PRKCQ: variants seen among roughly 807,000 people sequenced by gnomAD.
PRKCQ encodes the protein protein kinase C theta type.
PRKCQ carries 41 observed loss-of-function variants against 91.2 expected under a neutral mutation model. That is an observed-to-expected ratio of 0.45 (90% CI 0.35 to 0.58). PRKCQ has a LOEUF of 0.58. Ranked by LOEUF, PRKCQ falls within the 20% of genes least tolerant of loss-of-function variation. The pLI is 0.00. For missense variants in PRKCQ, 673 were observed against 896.5 expected, an observed-to-expected ratio of 0.75 and a Z score of 3.18; for synonymous variants, 307 against 316.9, an observed-to-expected ratio of 0.97 and a Z score of 0.33.
intron 4 of PRKCQ, among the ~76,000 whole-genome samples, chr10:6,505,601 CCTCT>C (rs1475271384): frequency 2.3e-5 from 3 of 131,306 alleles, no homozygotes; most frequent in Admixed American, 8.8e-5. Context: ...TCTCTCTCAC[CCTCT>C]CTCTCTCTCC....
chr10:6,416,714 C>T, the PRKCQ span, among the ~76,000 whole-genome samples: 1 of 151,978 alleles, frequency 6.6e-6, no homozygotes, highest in Admixed American at 6.5e-5. Flanking sequence ...CTTTTTTTCC[C>T]TTTGGGTACA....
chr10:6,405,592 C>A, the PRKCQ span, among the ~76,000 whole-genome samples: 1 of 152,122 alleles, frequency 6.6e-6, no homozygotes, highest in African/African-American at 2.4e-5. Flanking sequence ...TTTTAATAGC[C>A]AAGTGTTAAG....
At chr10:6,470,882 T>G (rs1588710473) in intron 12 of PRKCQ, among the ~76,000 whole-genome samples, 2 of 147,246 alleles carry the variant, frequency 1.4e-5, no homozygotes, top group Admixed American at 6.8e-5. Flanking sequence ...ACCCAGGAGG[T>G]GGAGGTTGTA....
chr10:6,496,110 G>A (rs1837569886), intron 7 of PRKCQ, among the ~76,000 whole-genome samples: 1 of 151,008 alleles, frequency 6.6e-6, no homozygotes, highest in Non-Finnish European at 1.5e-5. Context: ...CAGCTACTCA[G>A]GAGGCTGAGG....
chr10:6,561,508 A>G (rs909493516), intron 1 of PRKCQ, among the ~76,000 whole-genome samples: 1 of 152,250 alleles, frequency 6.6e-6, no homozygotes, highest in Non-Finnish European at 1.5e-5. Context: ...TATCTGAGAC[A>G]ATCAGAAATT....
intron 1 of PRKCQ, among the ~76,000 whole-genome samples, chr10:6,567,837 T>C (rs542833075): frequency 3.2e-4 from 49 of 152,360 alleles, no homozygotes; most frequent in African/African-American, 1.2e-3. Context: ...TTCTTTTTTT[T>C]GTGAATGCTT....
intron 15 of PRKCQ, among the ~76,000 whole-genome samples, chr10:6,453,278 T>C (rs1834810477): frequency 6.6e-6 from 1 of 152,162 alleles, no homozygotes; most frequent in Admixed American, 6.5e-5. Context: ...CAGACACTTC[T>C]CAAAAGAAGA....
At chr10:6,523,659 G>A (rs1411862839) in intron 1 of PRKCQ, among the ~76,000 whole-genome samples, 3 of 152,092 alleles carry the variant, frequency 2.0e-5, no homozygotes, top group Admixed American at 1.3e-4. Flanking sequence ...CAACAATAGT[G>A]TTGAAGTTAA....
chr10:6,521,386 C>G (rs189795693), intron 1 of PRKCQ, among the ~76,000 whole-genome samples: 1 of 152,190 alleles, frequency 6.6e-6, no homozygotes, highest in African/African-American at 2.4e-5. Context: ...CAGCCCAGCA[C>G]TTGTTGTAAA....
At chr10:6,453,351 A>C (rs1219412564) in intron 15 of PRKCQ, among the ~76,000 whole-genome samples, 1 of 152,232 alleles carries the variant, frequency 6.6e-6, no homozygotes. Context: ...AGAGAAATGC[A>C]ATTCAAAACC....
intron 16 of PRKCQ, among the ~76,000 whole-genome samples, chr10:6,435,779 C>T (rs189685826): frequency 6.6e-6 from 1 of 152,282 alleles, no homozygotes; most frequent in East Asian, 1.9e-4. Context: ...CAAAGCCATC[C>T]TGGGCTGTAT....
chr10:6,452,767 C>T (rs1343507182), intron 15 of PRKCQ, among the ~76,000 whole-genome samples: 1 of 150,572 alleles, frequency 6.6e-6, no homozygotes, highest in Non-Finnish European at 1.5e-5. Flanking sequence ...GAAATAATGC[C>T]ACTTATCTAC....
chr10:6,444,312 C>T (rs2132266829), intron 15 of PRKCQ, among the ~76,000 whole-genome samples: 1 of 152,280 alleles, frequency 6.6e-6, no homozygotes, highest in East Asian at 1.9e-4. Context: ...TCAAGTGATC[C>T]ACCCACCTCG....
chr10:6,405,346 T>C, the PRKCQ span, among the ~76,000 whole-genome samples: 6 of 152,176 alleles, frequency 3.9e-5, no homozygotes, highest in African/African-American at 1.4e-4. Context: ...GAAGCAGTGT[T>C]CCTTCAGGCA....
intron 15 of PRKCQ, among the ~76,000 whole-genome samples, chr10:6,445,275 C>T (rs1834218918): frequency 6.6e-6 from 1 of 152,116 alleles, no homozygotes; most frequent in African/African-American, 2.4e-5. Flanking sequence ...GGGCCCACTC[C>T]TGGGAGACAG....
At chr10:6,433,629 A>G (rs1282285660) in intron 16 of PRKCQ, among the ~76,000 whole-genome samples, 1 of 152,182 alleles carries the variant, frequency 6.6e-6, no homozygotes, top group African/African-American at 2.4e-5. Flanking sequence ...AAAGCCCTTC[A>G]TCACCACTGT....
chr10:6,456,277 A>G (rs1316182366), intron 15 of PRKCQ, among the ~76,000 whole-genome samples: 1 of 152,214 alleles, frequency 6.6e-6, no homozygotes, highest in Non-Finnish European at 1.5e-5. Flanking sequence ...GACTTTGGCA[A>G]TCACTCTGTG....
intron 1 of PRKCQ, among the ~76,000 whole-genome samples, chr10:6,516,001 A>G (rs1838737502): frequency 6.6e-6 from 1 of 152,166 alleles, no homozygotes; most frequent in South Asian, 2.1e-4. Flanking sequence ...TGAAACTATC[A>G]TCTGATATTC....
the PRKCQ span, among the ~76,000 whole-genome samples, chr10:6,403,458 C>T: frequency 2.0e-5 from 3 of 152,180 alleles, no homozygotes; most frequent in African/African-American, 7.2e-5. Context: ...TGTCTTCATT[C>T]CCCTCTGCTA....
Sources: gnomAD v4.1 joint callset for allele counts (sites outside exome capture counted in the v4.1 genomes callset) on GRCh38, gnomAD v4.1.1 for gene constraint, MANE v1.5 for transcripts, NCBI Gene and HGNC (gene_info 2026-07-23, HGNC 2026-07-21) for gene names.